Variants in FAM168A observed in about 807,000 individuals in gnomAD.
FAM168A encodes protein FAM168A.
A neutral mutation model predicts 28.5 loss-of-function variants in FAM168A; 3 were observed. The ratio of observed to expected loss-of-function variants is 0.11; its 90% CI spans 0.05 to 0.27. The LOEUF is 0.27. FAM168A is among the 10% of genes least tolerant of loss of function. The probability of loss-of-function intolerance (pLI) is 1.00; values close to 1 mark genes in which losing one functional copy is unlikely to be tolerated. For synonymous variants in FAM168A, 122 were observed against 124.2 expected, an observed-to-expected ratio of 0.98 and a Z score of 0.12; for missense variants, 222 against 311.5, an observed-to-expected ratio of 0.71 and a Z score of 2.16.
intron 1 of FAM168A, among the ~76,000 whole-genome samples, chr11:73,526,844 T>C (rs1943452261): frequency 8.8e-6 from 1 of 113,856 alleles, no homozygotes; most frequent in African/African-American, 3.5e-5. Context: ...CACTCCAGCC[T>C]AGCGACAGAG....
chr11:73,506,513 T>C (rs1409008898), intron 1 of FAM168A, among the ~76,000 whole-genome samples: 3 of 152,210 alleles, frequency 2.0e-5, no homozygotes, highest in Non-Finnish European at 4.4e-5. Context: ...GTGAAAATAT[T>C]AGAAATCTAT....
chr11:73,418,872 G>C (rs1220655365), intron 4 of FAM168A, among the ~76,000 whole-genome samples: 1 of 150,000 alleles, frequency 6.7e-6, no homozygotes, highest in Non-Finnish European at 1.5e-5. Flanking sequence ...GCAGTGGCGT[G>C]ATCTTGGCTC....
At chr11:73,474,803 C>G (rs1332200856) in intron 1 of FAM168A, among the ~76,000 whole-genome samples, 1 of 152,148 alleles carries the variant, frequency 6.6e-6, no homozygotes, top group East Asian at 1.9e-4. Context: ...AATGAGCCAT[C>G]TTTCATGCTT....
In FAM168A at chr11:73,401,936, CGAG is replaced by C. The variant is rs767672210; in HGVS notation, c.*4824_*4826del. The C allele has an allele frequency of 2.6e-5, 4 of 152,284 alleles. No homozygotes were observed. Among genetic ancestry groups the C allele is most frequent in the South Asian group, 2.1e-4 (1 of 4,820 alleles). 9.4% of individuals were successfully genotyped at this position (152,284 alleles called of 1,614,324 possible). On this transcript the variant is annotated 3_prime_UTR_variant, in exon 8 of 8. Coordinates refer to ENST00000356467, the MANE Select transcript of FAM168A (RefSeq NM_015159.3). The stretch of plus-strand genomic sequence containing the variant: ...ACCATATAATGCCTAATTTCAGAAA[CGAG>C]GAGTTTTCTAGGAAAGGGGCAGATA...
rs372517209 is a variant in FAM168A, at chr11:73,502,079, C to A, written c.-18-33587G>T. ...TTGCACCACTGCACTCCAGCTTGGG[C>A]GACAGATCAAAGCTTTGTCTCGAAA... On this transcript the variant is annotated intron_variant, in intron 1 of 7. Transcript: ENST00000356467. Among the ~76,000 whole-genome samples, 52 of 137,592 alleles carry A rather than the reference C, an allele frequency of 3.8e-4. No homozygotes were observed. The South Asian group carries it at 0.012, about 31-fold the overall frequency. The allele number at this position is 137,592 out of a possible 152,430, so 90.3% of individuals were successfully genotyped here.
At chr11:73,547,183 GGAA>G (rs1045941823) in intron 1 of FAM168A, among the ~76,000 whole-genome samples, 3 of 145,738 alleles carry the variant, frequency 2.1e-5, no homozygotes, top group South Asian at 2.3e-4. Context: ...AGGAGGAGGA[GGAA>G]GAAGAAAGAA....
At chr11:73,423,763 T>A (rs958005190) in intron 3 of FAM168A, among the ~76,000 whole-genome samples, 5 of 152,230 alleles carry the variant, frequency 3.3e-5, no homozygotes, top group African/African-American at 1.2e-4. Context: ...CTGTACTTGA[T>A]GGCATGTCTT....
In FAM168A at chr11:73,488,791, T is replaced by C. The variant is rs532735536; in HGVS notation, c.-18-20299A>G. Among the ~76,000 whole-genome samples, 6 of 152,334 alleles carry C rather than the reference T, an allele frequency of 3.9e-5. No homozygotes were observed. In the South Asian group the frequency reaches 1.2e-3, roughly 32 times the overall value. ...GGACTTCCCTTCTCTGCAGGATTATTCATATTAACATACTGTTACTTGTCT... is the reference window on the plus strand; with the variant it reads ...GGACTTCCCTTCTCTGCAGGATTATCCATATTAACATACTGTTACTTGTCT... On this transcript the variant is annotated intron_variant, in intron 1 of 7. Coordinates refer to ENST00000356467, the MANE Select transcript of FAM168A (RefSeq NM_015159.3).
Position 73,402,739 on chromosome 11 carries a change from C to T in FAM168A, c.*4024G>A, listed in dbSNP as rs955008462. On this transcript the variant is annotated 3_prime_UTR_variant, in exon 8 of 8. Coordinates refer to ENST00000356467, the MANE Select transcript of FAM168A (RefSeq NM_015159.3). Reference sequence around the variant, plus strand: ...CTCGTGCTGTCCTTGAACATGTCTTCGGTCCTGGGCATTGTGACCCCAAAG... The same window carrying T: ...CTCGTGCTGTCCTTGAACATGTCTTTGGTCCTGGGCATTGTGACCCCAAAG... 2.0e-5 allele frequency: 3 copies of T among 152,218 alleles called. No individual in the cohort carries two copies. The highest frequency in any genetic ancestry group is 7.2e-5 in the African/African-American group (3 of 41,442). 9.4% of individuals were successfully genotyped at this position (152,218 alleles called of 1,614,324 possible).
intron 1 of FAM168A, among the ~76,000 whole-genome samples, chr11:73,520,521 T>C (rs1943362906): frequency 6.6e-6 from 1 of 152,182 alleles, no homozygotes; most frequent in Non-Finnish European, 1.5e-5. Flanking sequence ...TTTGAAGGCC[T>C]TCCTGTAATT....
intron 1 of FAM168A, among the ~76,000 whole-genome samples, chr11:73,512,998 T>C (rs891731888): frequency 2.6e-5 from 4 of 152,096 alleles, no homozygotes; most frequent in Admixed American, 1.3e-4. Context: ...ACATGCACTA[T>C]GTAAAGATAT....
intron 1 of FAM168A, among the ~76,000 whole-genome samples, chr11:73,563,551 C>A (rs1235545717): frequency 2.0e-5 from 3 of 151,298 alleles, no homozygotes; most frequent in African/African-American, 2.4e-5. Context: ...AGGGGGTACA[C>A]AATCAAGTTG....
At chr11:73,592,980 G>A (rs911351103) in intron 1 of FAM168A, among the ~76,000 whole-genome samples, 4 of 151,944 alleles carry the variant, frequency 2.6e-5, no homozygotes, top group Non-Finnish European at 5.9e-5. Flanking sequence ...TTATTTAATG[G>A]TGGAAGAAAT....
At chr11:73,409,439 G>GAGTTCCT in intron 6 of FAM168A, 48 bp downstream of exon 6, 1 of 1,606,452 alleles carries the variant, frequency 6.2e-7, no homozygotes, top group South Asian at 1.1e-5. Context: ...GCTCCGTTTT[G>GAGTTCCT]AGTTCCTAGA....
intron 6 of FAM168A, among the ~76,000 whole-genome samples, chr11:73,408,904 T>G (rs1448566617): frequency 1.3e-5 from 2 of 152,162 alleles, no homozygotes; most frequent in Non-Finnish European, 2.9e-5. Flanking sequence ...CCCCTGTGTC[T>G]TCTTTTTTGG....
At chr11:73,493,288 T>C (rs1325336647) in intron 1 of FAM168A, among the ~76,000 whole-genome samples, 4 of 152,214 alleles carry the variant, frequency 2.6e-5, no homozygotes, top group Admixed American at 1.3e-4. Context: ...TAACAAGTGC[T>C]AAACGAACTT....
chr11:73,559,859 T>C (rs1310009220), intron 1 of FAM168A, among the ~76,000 whole-genome samples: 1 of 152,202 alleles, frequency 6.6e-6, no homozygotes, highest in African/African-American at 2.4e-5. Flanking sequence ...CCAAAAATTG[T>C]TTTGTTATCT....
intron 2 of FAM168A, among the ~76,000 whole-genome samples, chr11:73,455,378 C>G (rs1867512201): frequency 6.6e-6 from 1 of 152,214 alleles, no homozygotes; most frequent in Non-Finnish European, 1.5e-5. Context: ...ATGAGGCACC[C>G]CTGTCGCAAG....
chr11:73,404,673 G>A lies in FAM168A; in HGVS notation c.*2090C>T, dbSNP rs1866471273. ...GGTCCTAAAGTTCCTTGGAAGCCCA[G>A]GAAGGTGGGCCCCCAAACTCCTGGC... On this transcript the variant is annotated 3_prime_UTR_variant, in exon 8 of 8. Transcript: ENST00000356467. 1 of 152,198 alleles carries A rather than the reference G, an allele frequency of 6.6e-6. No individual in the cohort carries two copies. 9.4% of individuals were successfully genotyped at this position (152,198 alleles called of 1,614,324 possible).
Sources: gnomAD v4.1 joint callset for allele counts (sites outside exome capture counted in the v4.1 genomes callset) on GRCh38, gnomAD v4.1.1 for gene constraint, MANE v1.5 for transcripts, NCBI Gene and HGNC (gene_info 2026-07-23, HGNC 2026-07-21) for gene names.